Variants in DHX40 observed in about 807,000 individuals in gnomAD.
DHX40 encodes the protein probable ATP-dependent RNA helicase DHX40.
DHX40 carries 28 observed loss-of-function variants against 89.6 expected under a neutral mutation model. The observed-to-expected ratio is 0.31, with a 90% CI of 0.23 to 0.43. The LOEUF (loss-of-function observed/expected upper bound fraction) is 0.43, where lower values mean the gene tolerates loss of function less well. Among genes scored for constraint, DHX40 ranks in the 20% least tolerant of loss-of-function variants. The probability of loss-of-function intolerance (pLI) is 1.00; values close to 1 mark genes in which losing one functional copy is unlikely to be tolerated. For missense variants in DHX40, 457 were observed against 844.0 expected, an observed-to-expected ratio of 0.54 and a Z score of 5.68; for synonymous variants, 226 against 283.6, an observed-to-expected ratio of 0.80 and a Z score of 2.04.
intron 17 of DHX40, among the ~76,000 whole-genome samples, chr17:59,606,155 C>T (rs1381759239): frequency 1.3e-5 from 2 of 151,896 alleles, no homozygotes; most frequent in Non-Finnish European, 2.9e-5. Flanking sequence ...AAGCTATTCT[C>T]CTGCCTCAGC....
chr17:59,591,393 G>A (rs546416288), intron 12 of DHX40, among the ~76,000 whole-genome samples: 3,194 of 151,600 alleles, frequency 0.021, 121 homozygotes, highest in African/African-American at 0.074. Context: ...AGAGTGCAGG[G>A]TTCTGTCCAG....
At position 59,605,195 on chromosome 17, in the gene DHX40, C is replaced by T. The variant is rs781054809; in HGVS notation, c.1971+11C>T. On this transcript the variant is annotated intron_variant, in intron 16 of 17. Transcript: ENST00000251241. ...CATCCTTCCTCAGCAGTAAGTACTT[C>T]ATTTTTAATAAAGGGAAGAAATTTG... 3.9e-5 allele frequency: 63 copies of T among 1,612,506 alleles called. No individual in the cohort carries two copies. In the South Asian group the frequency reaches 6.6e-4, roughly 17 times the overall value.
At chr17:59,590,075 A>C (rs1417827923) in intron 12 of DHX40, among the ~76,000 whole-genome samples, 1 of 151,620 alleles carries the variant, frequency 6.6e-6, no homozygotes, top group East Asian at 1.9e-4. Flanking sequence ...GTAATTTACT[A>C]ATTTTTTTTT....
intron 12 of DHX40, among the ~76,000 whole-genome samples, chr17:59,597,949 A>G (rs1028929920): frequency 6.6e-6 from 1 of 151,516 alleles, no homozygotes; most frequent in African/African-American, 2.4e-5. Flanking sequence ...AAAAAAAAAA[A>G]AAAACCTCCT....
chr17:59,599,639 AGTG>A (rs1567895874), intron 14 of DHX40, 156 bp downstream of exon 14: 3 of 341,232 alleles, frequency 8.8e-6, no homozygotes, highest in Non-Finnish European at 1.6e-5. Flanking sequence ...CATTCCTAGT[AGTG>A]ATAAAAGAAT....
intron 12 of DHX40, among the ~76,000 whole-genome samples, chr17:59,594,746 A>T (rs1329312540): frequency 2.6e-5 from 4 of 152,050 alleles, no homozygotes; most frequent in Non-Finnish European, 5.9e-5. Flanking sequence ...TTATGCTTTG[A>T]TCTTCCCTAC....
chr17:59,586,108 T>C (rs1489530467), intron 10 of DHX40, 45 bp from the exon 11 acceptor site: 7 of 1,373,850 alleles, frequency 5.1e-6, no homozygotes, highest in Middle Eastern at 1.8e-4. Flanking sequence ...AATCCTACCA[T>C]GTTCAAGGAA....
chr17:59,605,381 GTTGGTT>G, intron 16 of DHX40, 59 bp from the exon 17 acceptor site: 1 of 1,502,200 alleles, frequency 6.7e-7, no homozygotes, highest in Non-Finnish European at 9.1e-7. Flanking sequence ...GGACTATTTG[GTTGGTT>G]TAATGTGGAA....
intron 17 of DHX40, among the ~76,000 whole-genome samples, chr17:59,606,745 C>CAAA (rs777660578): frequency 1.7e-5 from 1 of 57,544 alleles, no homozygotes; most frequent in Admixed American, 2.0e-4. Flanking sequence ...GACTCCGTCT[C>CAAA]AAAAAAAAAA....
At chr17:59,600,079 C>A (rs1373553551) in intron 14 of DHX40, among the ~76,000 whole-genome samples, 1 of 152,168 alleles carries the variant, frequency 6.6e-6, no homozygotes. Context: ...CTGCCTCGGC[C>A]TTCCAAAGTG....
At chr17:59,601,554 C>T (rs2030527422) in intron 14 of DHX40, among the ~76,000 whole-genome samples, 1 of 151,952 alleles carries the variant, frequency 6.6e-6, no homozygotes, top group African/African-American at 2.4e-5. Context: ...TTTTATTTTT[C>T]AGGTCTCTAC....
chr17:59,586,435 G>A (rs925794269), intron 11 of DHX40, among the ~76,000 whole-genome samples: 19 of 151,434 alleles, frequency 1.3e-4, no homozygotes, highest in African/African-American at 4.1e-4. Flanking sequence ...GGCCGAGGTC[G>A]GTGGATCATG....
chr17:59,570,208 A>G (rs1414191387), intron 2 of DHX40, among the ~76,000 whole-genome samples: 1 of 123,398 alleles, frequency 8.1e-6, no homozygotes, highest in East Asian at 2.0e-4. Context: ...ATTATAATAT[A>G]TATTATATAT....
At chr17:59,600,848 A>C (rs1271863839) in intron 14 of DHX40, among the ~76,000 whole-genome samples, 4 of 132,148 alleles carry the variant, frequency 3.0e-5, no homozygotes, top group Non-Finnish European at 6.0e-5. Context: ...CCCTGTCTCA[A>C]AAAAATTTTT....
chr17:59,585,677 C>G (rs2048983895), intron 10 of DHX40, among the ~76,000 whole-genome samples: 2 of 150,042 alleles, frequency 1.3e-5, no homozygotes, highest in Non-Finnish European at 2.9e-5. Context: ...GATCAGAGAT[C>G]GTGCCATTGC....
chr17:59,572,928 G>C (rs1198883285), intron 3 of DHX40, among the ~76,000 whole-genome samples, 188 bp from the exon 4 acceptor site: 2 of 152,140 alleles, frequency 1.3e-5, no homozygotes, highest in Non-Finnish European at 2.9e-5. Flanking sequence ...TGAGTTATTT[G>C]TCCCTTTTTC....
At chr17:59,570,492 T>C (rs772111258) in intron 2 of DHX40, 26 bp from the exon 3 acceptor site, 3 of 1,574,752 alleles carry the variant, frequency 1.9e-6, no homozygotes, top group East Asian at 2.4e-5. Flanking sequence ...AACATTGTTG[T>C]GTTTCTTTAT....
chr17:59,566,478 G>C, intron 1 of DHX40, 149 bp from the exon 2 acceptor site: 1 of 751,672 alleles, frequency 1.3e-6, no homozygotes, highest in Non-Finnish European at 2.0e-6. Context: ...GCTCATTAAC[G>C]CTCACTTACA....
chr17:59,600,838 C>T (rs1347951156), intron 14 of DHX40, among the ~76,000 whole-genome samples: 2 of 149,052 alleles, frequency 1.3e-5, no homozygotes, highest in East Asian at 3.9e-4. Context: ...AGCAGCAGCA[C>T]CCTGTCTCAA....
Sources: gnomAD v4.1 joint callset for allele counts (sites outside exome capture counted in the v4.1 genomes callset) on GRCh38, gnomAD v4.1.1 for gene constraint, MANE v1.5 for transcripts, NCBI Gene and HGNC (gene_info 2026-07-23, HGNC 2026-07-21) for gene names.